The following ST6GAL2 variants were observed in gnomAD, a reference collection of about 807,000 sequenced individuals.
ST6GAL2 encodes beta-galactoside alpha-2,6-sialyltransferase 2.
ST6GAL2 carries 24 observed loss-of-function variants against 37.5 expected under a neutral mutation model. That is an observed-to-expected ratio of 0.64 (90% CI 0.46 to 0.90). The LOEUF (loss-of-function observed/expected upper bound fraction) is 0.90. ST6GAL2 is among the 40% of genes least tolerant of loss of function. ST6GAL2 has a pLI of 0.00. For synonymous variants in ST6GAL2, 306 were observed against 295.1 expected (o/e 1.04, Z -0.38); for missense variants, 715 against 712.7 (o/e 1.00, Z -0.04).
intron 1 of ST6GAL2, among the ~76,000 whole-genome samples, chr2:106,884,930 T>TATATATATATATATATATATAG (rs1678907514): frequency 8.0e-6 from 1 of 124,384 alleles, no homozygotes; most frequent in Non-Finnish European, 1.6e-5. Context: ...TATATATATA[T>TATATATATATATATATATATAG]ATATACATAC....
chr2:106,807,875 C>T (rs1416715729), intron 5 of ST6GAL2, among the ~76,000 whole-genome samples: 1 of 152,156 alleles, frequency 6.6e-6, no homozygotes, highest in Non-Finnish European at 1.5e-5. Flanking sequence ...CCCCCCACCT[C>T]GGCCTCTCAA....
At chr2:106,881,308 G>C (rs913183805) in intron 1 of ST6GAL2, among the ~76,000 whole-genome samples, 6 of 152,176 alleles carry the variant, frequency 3.9e-5, no homozygotes, top group Non-Finnish European at 8.8e-5. Context: ...ATGGGGTATA[G>C]TTTCCCTAAT....
At chr2:106,807,799 T>C (rs1438314429) in intron 5 of ST6GAL2, among the ~76,000 whole-genome samples, 1 of 152,050 alleles carries the variant, frequency 6.6e-6, no homozygotes, top group African/African-American at 2.4e-5. Flanking sequence ...TAATATTTTG[T>C]ATTTTTAGTA....
intron 5 of ST6GAL2, among the ~76,000 whole-genome samples, chr2:106,811,389 T>C (rs1317856255): frequency 1.3e-5 from 2 of 152,108 alleles, no homozygotes; most frequent in African/African-American, 2.4e-5. Context: ...GAGTAGATAC[T>C]GCAGGCAGAC....
intron 1 of ST6GAL2, among the ~76,000 whole-genome samples, chr2:106,846,565 A>C (rs1437894146): frequency 6.6e-6 from 1 of 152,210 alleles, no homozygotes; most frequent in Non-Finnish European, 1.5e-5. Flanking sequence ...TGCTTCCAAC[A>C]ACTGCAACAT....
rs542145961 is a variant in ST6GAL2 at position 106,806,468 on chromosome 2, G to T, written c.*210C>A. ...CTATCCTTGGTTTTGCATCTTTCTT[G>T]AGCCTTATTTTTTTAAAAAAACCAT... On this transcript the variant is annotated 3_prime_UTR_variant, in exon 6 of 6. Transcript: ENST00000409382. 4.2e-5 allele frequency: 24 copies of T among 570,602 alleles called. No individual in the cohort carries two copies. Among genetic ancestry groups the T allele is most frequent in the Non-Finnish European group, 6.6e-5 (22 of 335,872 alleles). 35.3% of individuals were successfully genotyped at this position (570,602 alleles called of 1,614,324 possible).
chr2:106,868,200 C>T (rs1213619062), intron 1 of ST6GAL2, among the ~76,000 whole-genome samples: 1 of 152,168 alleles, frequency 6.6e-6, no homozygotes, highest in African/African-American at 2.4e-5. Flanking sequence ...ATCATTTACG[C>T]TCACTTTACA....
chr2:106,808,963 C>T (rs1036154806), intron 5 of ST6GAL2, among the ~76,000 whole-genome samples: 2 of 152,274 alleles, frequency 1.3e-5, no homozygotes, highest in Admixed American at 6.5e-5. Flanking sequence ...GCCAAGATTG[C>T]ACCACTGGAC....
Position 106,843,758 on chromosome 2 carries a change from G to A in ST6GAL2, c.220C>T (p.Leu74=). The A allele has an allele frequency of 6.2e-7, 1 of 1,610,294 alleles. No homozygotes were observed. Among genetic ancestry groups the A allele is most frequent in the Non-Finnish European group, 8.5e-7 (1 of 1,178,176 alleles). ...CGGGGCAGCGCCTGGCGTGCGTCCA[G>A]GCCCCCAGGCGGGGAGGGCTCATGT... The part of the protein sequence containing the change: ...AAHEPSPPGG[L]DARQALPRAH... The change falls in exon 2 of 6, where the codon CTG becomes TTG. Residue 74 remains leucine, a synonymous_variant. Coordinates refer to ENST00000409382, the MANE Select transcript of ST6GAL2 (RefSeq NM_001142351.2).
At chr2:106,814,646 C>T (rs1035333268) in intron 5 of ST6GAL2, among the ~76,000 whole-genome samples, 3 of 152,172 alleles carry the variant, frequency 2.0e-5, no homozygotes, top group South Asian at 2.1e-4. Flanking sequence ...GGCTGGGAGC[C>T]GGGGTGGGTG....
rs76272928 is a variant in ST6GAL2, at chr2:106,839,085, G to C, written c.943+3950C>G. ...AAAAAAAACAAGAGCATTTTGAACAGGGCCTTGTCTGTACTATATAAGTGG... is the reference window on the plus strand; with the variant it reads ...AAAAAAAACAAGAGCATTTTGAACACGGCCTTGTCTGTACTATATAAGTGG... On this transcript the variant is annotated intron_variant, in intron 2 of 5. Coordinates refer to ENST00000409382, the MANE Select transcript of ST6GAL2 (RefSeq NM_001142351.2). Among the ~76,000 whole-genome samples the C allele has an allele frequency of 3.8e-4, 58 of 152,178 alleles. No homozygotes were observed. The East Asian group carries it at 0.011, about 28-fold the overall frequency.
chr2:106,812,536 G>C (rs1313690366), intron 5 of ST6GAL2, among the ~76,000 whole-genome samples: 1 of 152,118 alleles, frequency 6.6e-6, no homozygotes, highest in Middle Eastern at 3.2e-3. Flanking sequence ...CACACATAGT[G>C]AACCACGCTT....
At chr2:106,874,815 TTAAA>T (rs1263893913) in intron 1 of ST6GAL2, among the ~76,000 whole-genome samples, 2 of 152,204 alleles carry the variant, frequency 1.3e-5, no homozygotes, top group African/African-American at 2.4e-5. Flanking sequence ...TTCAAGCCAC[TTAAA>T]TAGTGTGTGC....
At chr2:106,882,747 G>C (rs1678804738) in intron 1 of ST6GAL2, among the ~76,000 whole-genome samples, 1 of 152,156 alleles carries the variant, frequency 6.6e-6, no homozygotes, top group African/African-American at 2.4e-5. Flanking sequence ...AGAAAGTCCA[G>C]TGCAAAACTA....
chr2:106,883,110 G>A (rs558978215), intron 1 of ST6GAL2, among the ~76,000 whole-genome samples: 78 of 152,288 alleles, frequency 5.1e-4, no homozygotes, highest in African/African-American at 1.9e-3. Context: ...GGACTGCCCA[G>A]GTCATACTTC....
chr2:106,807,757 C>T (rs182968927), intron 5 of ST6GAL2, among the ~76,000 whole-genome samples: 166 of 151,508 alleles, frequency 1.1e-3, no homozygotes, highest in Non-Finnish European at 1.6e-3. Context: ...CCCAAGTAGC[C>T]GGGACTACAG....
At position 106,843,601 on chromosome 2, in the gene ST6GAL2, G is replaced by T. The variant is rs906132688; in HGVS notation, c.377C>A (p.Pro126Gln). ...AGCAAAAAAGTAGTCGTCATCCTCC[G>T]GGTAGAAAGCACTTTGAGATTTTCT... ...VGRKSQSAFY[P>Q]EDDDYFFAAG... Residue 126 changes from proline to glutamine, a missense_variant, in exon 2 of 6, where the codon CCG becomes CAG. By Grantham distance (76) the Pro-to-Gln change is moderately conservative. Coordinates refer to ENST00000409382, the MANE Select transcript of ST6GAL2 (RefSeq NM_001142351.2). The T allele has an allele frequency of 6.2e-7, 1 of 1,613,860 alleles. No individual in the cohort carries two copies. The highest frequency in any genetic ancestry group is 1.3e-5 in the African/African-American group (1 of 74,924).
chr2:106,821,045 GT>G (rs1416315601), intron 5 of ST6GAL2, among the ~76,000 whole-genome samples: 1 of 151,848 alleles, frequency 6.6e-6, no homozygotes, highest in Non-Finnish European at 1.5e-5. Context: ...ACATAAAAAA[GT>G]AGAACAACTT....
intron 2 of ST6GAL2, among the ~76,000 whole-genome samples, chr2:106,842,389 C>T (rs1260215703): frequency 1.3e-5 from 2 of 152,122 alleles, no homozygotes; most frequent in Admixed American, 1.3e-4. Context: ...GGAGAAGGTC[C>T]CTGGTAGGTG....
Sources: gnomAD v4.1 joint callset for allele counts (sites outside exome capture counted in the v4.1 genomes callset) on GRCh38, gnomAD v4.1.1 for gene constraint, MANE v1.5 for transcripts, NCBI Gene and HGNC (gene_info 2026-07-23, HGNC 2026-07-21) for gene names.